NRXN3: variants seen among roughly 807,000 people sequenced by gnomAD.
NRXN3 encodes neurexin 3, also known as neurexin III.
In NRXN3, 32 loss-of-function variants were observed where a neutral mutation model predicts 137.6. The observed-to-expected ratio is 0.23, with a 90% CI of 0.18 to 0.31. The LOEUF (loss-of-function observed/expected upper bound fraction) is 0.31. NRXN3 is among the 10% of genes least tolerant of loss of function. NRXN3 has a pLI of 1.00. For missense variants in NRXN3, 1,574 were observed against 2,062.5 expected (o/e 0.76, Z 4.59); for synonymous variants, 798 against 784.5 (o/e 1.02, Z -0.29).
At position 79,739,602 on chromosome 14, in the gene NRXN3, CCACTG is replaced by C. The variant is rs564398668; in HGVS notation, c.4014+41678_4014+41682del. On this transcript the variant is annotated intron_variant, in intron 19 of 20. Transcript: ENST00000335750. ...GAGGTTGCAGTGAGCTGAGATCATG[CCACTG>C]CACTGCACTGCAGCCTGGGTGACAG... Among the ~76,000 whole-genome samples, 27 of 139,252 alleles carry C rather than the reference CCACTG, an allele frequency of 1.9e-4. 1 individual carries two copies. In the South Asian group the frequency reaches 4.9e-3, roughly 25 times the overall value. The allele number at this position is 139,252 out of a possible 152,430, so 91.4% of individuals were successfully genotyped here.
intron 1 of NRXN3, among the ~76,000 whole-genome samples, chr14:78,210,892 G>A (rs2062680196): frequency 6.6e-6 from 1 of 152,098 alleles, no homozygotes; most frequent in Admixed American, 6.5e-5. Flanking sequence ...GTGACCACCA[G>A]GGAGCATGTG....
At chr14:78,208,048 A>G (rs2062382181) in intron 1 of NRXN3, among the ~76,000 whole-genome samples, 1 of 152,194 alleles carries the variant, frequency 6.6e-6, no homozygotes, top group African/African-American at 2.4e-5. Flanking sequence ...CTGAGTTAGC[A>G]TAGGTGGGTT....
chr14:79,854,238 T>A, intron 20 of NRXN3: 3 of 756,990 alleles, frequency 4.0e-6, no homozygotes, highest in Non-Finnish European at 4.8e-6. Flanking sequence ...TATAAATTAA[T>A]ATGGTATGCT....
chr14:78,528,681 T>A (rs1358758146), intron 4 of NRXN3, among the ~76,000 whole-genome samples: 1 of 152,140 alleles, frequency 6.6e-6, no homozygotes, highest in East Asian at 1.9e-4. Flanking sequence ...AATTATAGAC[T>A]TCCATAGGCA....
intron 1 of NRXN3, among the ~76,000 whole-genome samples, chr14:78,222,246 G>A (rs2063926784): frequency 1.3e-5 from 2 of 152,134 alleles, no homozygotes; most frequent in Non-Finnish European, 2.9e-5. Context: ...AAGAGGCATT[G>A]GGAGGCAGTT....
chr14:79,188,557 G>T (rs968092880), intron 15 of NRXN3, among the ~76,000 whole-genome samples: 1 of 152,126 alleles, frequency 6.6e-6, no homozygotes, highest in African/African-American at 2.4e-5. Context: ...AAGCCAACAA[G>T]GCAATTGAGC....
chr14:78,264,554 G>C (rs563116532), intron 2 of NRXN3, among the ~76,000 whole-genome samples: 1 of 152,210 alleles, frequency 6.6e-6, no homozygotes, highest in Non-Finnish European at 1.5e-5. Context: ...GAAGCCAGCA[G>C]GGCAGAAACT....
At chr14:78,310,137 G>T (rs1371803546) in intron 4 of NRXN3, among the ~76,000 whole-genome samples, 1 of 151,992 alleles carries the variant, frequency 6.6e-6, no homozygotes, top group Non-Finnish European at 1.5e-5. Flanking sequence ...GGCATAACAT[G>T]AGAAAACTGC....
intron 10 of NRXN3, among the ~76,000 whole-genome samples, chr14:78,849,552 A>T (rs1400826676): frequency 1.3e-5 from 2 of 152,162 alleles, no homozygotes; most frequent in Non-Finnish European, 1.5e-5. Context: ...GATAATAATG[A>T]CATAAGTTTA....
At chr14:78,253,846 C>T (rs1256279671) in intron 2 of NRXN3, among the ~76,000 whole-genome samples, 2 of 114,044 alleles carry the variant, frequency 1.8e-5, no homozygotes, top group Non-Finnish European at 3.2e-5. Flanking sequence ...ATAATGGGAG[C>T]TTGGTGCTTT....
At position 78,299,372 on chromosome 14, in the gene NRXN3, AC is replaced by A. The variant is rs561171426; in HGVS notation, c.757+1514del. Among the ~76,000 whole-genome samples, 1,093 of 152,270 alleles carry A rather than the reference AC, an allele frequency of 7.2e-3. 19 individuals are homozygous for A. Among genetic ancestry groups the A allele is most frequent in the African/African-American group, 0.025 (1,052 of 41,538 alleles). ...AGAGTTAAGCACATCTCTTTGAGGA[AC>A]CGAGCTCTATGAATTGCTGGAATTT... is the stretch of plus-strand genomic sequence containing the variant. On this transcript the variant is annotated intron_variant, in intron 4 of 20. Transcript: ENST00000335750.
intron 15 of NRXN3, among the ~76,000 whole-genome samples, chr14:79,037,897 A>G (rs2099618776): frequency 6.6e-6 from 1 of 152,138 alleles, no homozygotes; most frequent in Non-Finnish European, 1.5e-5. Context: ...GTGACAGGCC[A>G]GGGACAAATG....
intron 1 of NRXN3, among the ~76,000 whole-genome samples, chr14:78,225,985 GTGTGTGTGT>G (rs1567013836): frequency 1.7e-5 from 2 of 114,876 alleles, no homozygotes; most frequent in African/African-American, 5.7e-5. Context: ...GTGTGTGTGT[GTGTGTGTGT>G]GTGTGTGTGT....
At chr14:79,147,665 A>T (rs188841770) in intron 15 of NRXN3, among the ~76,000 whole-genome samples, 1 of 152,108 alleles carries the variant, frequency 6.6e-6, no homozygotes, top group African/African-American at 2.4e-5. Context: ...AAGCAGAGGC[A>T]TATTTTGTTT....
chr14:78,526,851 T>TATC (rs2096388189), intron 4 of NRXN3: 1 of 477,512 alleles, frequency 2.1e-6, no homozygotes, highest in African/African-American at 2.0e-5. Context: ...TGCTTCCTGA[T>TATC]ATCCAAGTCA....
At chr14:78,548,153 A>G (rs1174719794) in intron 4 of NRXN3, among the ~76,000 whole-genome samples, 4 of 152,206 alleles carry the variant, frequency 2.6e-5, no homozygotes, top group African/African-American at 9.6e-5. Context: ...ATATCAGAAG[A>G]GGTAAAACTA....
intron 10 of NRXN3, among the ~76,000 whole-genome samples, chr14:78,825,648 A>T (rs1395048921): frequency 6.6e-6 from 1 of 152,244 alleles, no homozygotes; most frequent in Non-Finnish European, 1.5e-5. Context: ...CATCAGTTTT[A>T]CCAGGCCTCC....
intron 15 of NRXN3, among the ~76,000 whole-genome samples, chr14:79,146,393 A>G (rs1332123236): frequency 6.6e-6 from 1 of 152,196 alleles, no homozygotes; most frequent in African/African-American, 2.4e-5. Flanking sequence ...GGAGGAGAAG[A>G]GGGTGTTCTA....
chr14:79,515,327 G>A (rs2096972202), intron 16 of NRXN3, among the ~76,000 whole-genome samples: 1 of 150,644 alleles, frequency 6.6e-6, no homozygotes. Flanking sequence ...GAGTTGGGCT[G>A]AGGAGGCCAG....
Sources: gnomAD v4.1 joint callset for allele counts (sites outside exome capture counted in the v4.1 genomes callset) on GRCh38, gnomAD v4.1.1 for gene constraint, MANE v1.5 for transcripts, NCBI Gene and HGNC (gene_info 2026-07-23, HGNC 2026-07-21) for gene names.